DMD: variants seen among roughly 807,000 people sequenced by gnomAD.
DMD encodes the protein mutant dystrophin.
Under a neutral mutation model 330.1 loss-of-function variants are expected in DMD, and 63 were observed. The observed-to-expected ratio is 0.19, with a 90% CI of 0.16 to 0.24. The LOEUF (loss-of-function observed/expected upper bound fraction) is 0.24. Among genes scored for constraint, DMD ranks in the 10% least tolerant of loss-of-function variants. The probability of loss-of-function intolerance (pLI) is 1.00; values close to 1 mark genes in which losing one functional copy is unlikely to be tolerated. For synonymous variants in DMD, 1,223 were observed against 959.8 expected (o/e 1.27, Z -5.07); for missense variants, 3,344 against 2,684.1 (o/e 1.25, Z -5.43).
intron 55 of DMD, among the ~76,000 whole-genome samples, chrX:31,522,383 ATATAGCT>A (rs1200202093): frequency 1.1e-5 from 1 of 90,879 alleles, no homozygotes; most frequent in African/African-American, 4.7e-5. Flanking sequence ...ATATATATAT[ATATAGCT>A]GCACAGGAAG....
intron 44 of DMD, among the ~76,000 whole-genome samples, chrX:32,052,132 C>A (rs1395318359): frequency 1.8e-5 from 2 of 111,634 alleles, no homozygotes; most frequent in South Asian, 7.4e-4. Flanking sequence ...CTTAGTTGGG[C>A]AGACCATCTA....
Position 32,729,679 on chromosome X carries a change from A to G in DMD, c.650-30386T>C, listed in dbSNP as rs1050306403. ...ATTTAATAGAGTATCATAGATGAAG[A>G]AGTGTATATTTGTATACTTATGTCT... On this transcript the variant is annotated intron_variant, in intron 7 of 78. Transcript: ENST00000357033. Among the ~76,000 whole-genome samples the G allele has an allele frequency of 3.6e-5, 4 of 112,099 alleles. No individual in the cohort carries two copies. The South Asian group carries it at 1.5e-3, about 42-fold the overall frequency.
At chrX:33,327,673 T>C (rs1461652670) in intron 1 of DMD, among the ~76,000 whole-genome samples, 5 of 111,945 alleles carry the variant, frequency 4.5e-5, no homozygotes, top group Non-Finnish European at 7.5e-5. Flanking sequence ...GACCTATGTA[T>C]GGCAGAAGAA....
intron 1 of DMD, among the ~76,000 whole-genome samples, chrX:33,183,238 G>A (rs2148751449): frequency 9.0e-6 from 1 of 111,583 alleles, no homozygotes; most frequent in East Asian, 2.8e-4. Flanking sequence ...CAAACAGTTC[G>A]AGAAAAATAT....
At chrX:32,064,035 T>G (rs1024092645) in intron 44 of DMD, among the ~76,000 whole-genome samples, 1 of 111,176 alleles carries the variant, frequency 9.0e-6, no homozygotes, top group Non-Finnish European at 1.9e-5. Context: ...AAGCTCAAAG[T>G]GGAGGTTAAA....
intron 44 of DMD, chrX:32,206,458 C>T: frequency 1.9e-6 from 1 of 534,775 alleles, no homozygotes; most frequent in South Asian, 2.3e-5. Flanking sequence ...TGAGATACTC[C>T]AGCCAAAAAT....
chrX:32,729,210 A>G (rs1294308793), intron 7 of DMD, among the ~76,000 whole-genome samples: 1 of 112,098 alleles, frequency 8.9e-6, no homozygotes, highest in African/African-American at 3.2e-5. Context: ...AGATTTTCAG[A>G]TTATGGATGC....
chrX:33,119,211 AT>A (rs1326732623), intron 1 of DMD, among the ~76,000 whole-genome samples: 3 of 112,324 alleles, frequency 2.7e-5, no homozygotes, highest in Non-Finnish European at 5.6e-5. Flanking sequence ...TATGTCAAAA[AT>A]ATGTCATATA....
chrX:32,973,971 C>T (rs1033189153), intron 2 of DMD, among the ~76,000 whole-genome samples: 3 of 110,897 alleles, frequency 2.7e-5, no homozygotes, highest in Non-Finnish European at 5.7e-5. Context: ...GATAAAGAAA[C>T]ATATGGCCAT....
chrX:32,321,896 T>C (rs1032259716), intron 41 of DMD, among the ~76,000 whole-genome samples: 1 of 111,254 alleles, frequency 9.0e-6, no homozygotes, highest in Admixed American at 9.7e-5. Context: ...GTACATTTAA[T>C]AAAAATAAAA....
intron 1 of DMD, among the ~76,000 whole-genome samples, chrX:33,223,077 A>G (rs780746236): frequency 8.9e-6 from 1 of 112,159 alleles, no homozygotes; most frequent in Admixed American, 9.5e-5. Context: ...TGGGAGGCCA[A>G]GGTGGGCAGA....
At chrX:31,667,749 T>C (rs1036635793) in intron 53 of DMD, among the ~76,000 whole-genome samples, 2 of 111,133 alleles carry the variant, frequency 1.8e-5, no homozygotes, top group Admixed American at 9.6e-5. Flanking sequence ...TTACACATTG[T>C]ATGCCTATAT....
chrX:31,806,660 G>T (rs900145246), intron 50 of DMD, among the ~76,000 whole-genome samples: 1 of 112,053 alleles, frequency 8.9e-6, no homozygotes, highest in African/African-American at 3.2e-5. Flanking sequence ...CATTATTTCT[G>T]CCCACGCAGG....
chrX:32,783,493 G>C (rs2148570497), intron 7 of DMD, among the ~76,000 whole-genome samples: 1 of 108,770 alleles, frequency 9.2e-6, no homozygotes, highest in East Asian at 2.9e-4. Flanking sequence ...AAATTAACAG[G>C]ATAGAAATCT....
intron 9 of DMD, among the ~76,000 whole-genome samples, chrX:32,687,078 T>C (rs1016300731): frequency 8.9e-6 from 1 of 112,293 alleles, no homozygotes; most frequent in African/African-American, 3.2e-5. Flanking sequence ...ATTTGAAATT[T>C]CATTTGTGCT....
intron 1 of DMD, among the ~76,000 whole-genome samples, chrX:33,093,433 C>T (rs1056119229): frequency 1.8e-5 from 2 of 112,351 alleles, no homozygotes; most frequent in African/African-American, 6.5e-5. Context: ...GTTTTCTCAT[C>T]ATACTCCAGC....
intron 61 of DMD, among the ~76,000 whole-genome samples, chrX:31,339,273 TA>T (rs1169749128): frequency 8.9e-6 from 1 of 111,779 alleles, no homozygotes; most frequent in East Asian, 2.8e-4. Flanking sequence ...ACATTTGAGC[TA>T]AAGGAGAAAA....
chrX:32,695,490 C>G (rs920587586), intron 9 of DMD, among the ~76,000 whole-genome samples: 10 of 110,872 alleles, frequency 9.0e-5, no homozygotes, highest in African/African-American at 3.0e-4. Flanking sequence ...AGGAGAGTAG[C>G]CTTGTTATAT....
chrX:32,801,966 T>A (rs1302431905), intron 7 of DMD, among the ~76,000 whole-genome samples: 1 of 112,094 alleles, frequency 8.9e-6, no homozygotes, highest in Non-Finnish European at 1.9e-5. Context: ...TTGTTATTTT[T>A]GCTTAGGATG....
Sources: gnomAD v4.1 joint callset for allele counts (sites outside exome capture counted in the v4.1 genomes callset) on GRCh38, gnomAD v4.1.1 for gene constraint, MANE v1.5 for transcripts, NCBI Gene and HGNC (gene_info 2026-07-23, HGNC 2026-07-21) for gene names.